The following NELL1 variants were observed in gnomAD, a reference collection of about 807,000 sequenced individuals.
The protein encoded by NELL1 is protein kinase C-binding protein NELL1.
Under a neutral mutation model 107.4 loss-of-function variants are expected in NELL1, and 76 were observed. That is an observed-to-expected ratio of 0.71 (90% confidence interval 0.59 to 0.86). The LOEUF is 0.86. Ranked by LOEUF, NELL1 falls within the 40% of genes least tolerant of loss-of-function variation. NELL1 has a pLI of 0.00. For missense variants in NELL1, 1,024 were observed against 1,005.5 expected, an observed-to-expected ratio of 1.02 and a Z score of -0.25; for synonymous variants, 353 against 341.2, an observed-to-expected ratio of 1.03 and a Z score of -0.38.
intron 6 of NELL1, among the ~76,000 whole-genome samples, chr11:20,918,761 A>G (rs529121797): frequency 6.6e-6 from 1 of 152,180 alleles, no homozygotes; most frequent in East Asian, 1.9e-4. Context: ...TATGGGAGCT[A>G]CAATTCAAGA....
At chr11:21,284,658 G>A (rs977547782) in intron 14 of NELL1, 55 of 388,666 alleles carry the variant, frequency 1.4e-4, no homozygotes, top group African/African-American at 9.5e-4. Context: ...GATTGGTGGG[G>A]CAGGCCTTGT....
At chr11:20,725,080 C>A (rs1787401428) in intron 2 of NELL1, among the ~76,000 whole-genome samples, 1 of 152,182 alleles carries the variant, frequency 6.6e-6, no homozygotes, top group African/African-American at 2.4e-5. Context: ...CCTCCCTCAA[C>A]ATGTGGGGAT....
intron 13 of NELL1, among the ~76,000 whole-genome samples, chr11:21,205,767 T>A (rs1857376964): frequency 6.6e-6 from 1 of 152,198 alleles, no homozygotes. Flanking sequence ...GTCTCTGTGC[T>A]TTAAATATGG....
intron 1 of NELL1, among the ~76,000 whole-genome samples, chr11:20,671,811 T>A (rs1018162763): frequency 1.3e-5 from 2 of 152,092 alleles, no homozygotes; most frequent in African/African-American, 4.8e-5. Context: ...AAGTTTGTAT[T>A]AAGGAAATGT....
At chr11:21,061,908 G>A (rs570060558) in intron 12 of NELL1, among the ~76,000 whole-genome samples, 1 of 152,244 alleles carries the variant, frequency 6.6e-6, no homozygotes, top group African/African-American at 2.4e-5. Context: ...TCAATTAGCT[G>A]AACTCTCATT....
At chr11:21,343,872 T>C (rs1207820655) in intron 14 of NELL1, among the ~76,000 whole-genome samples, 1 of 152,152 alleles carries the variant, frequency 6.6e-6, no homozygotes, top group Non-Finnish European at 1.5e-5. Flanking sequence ...GTGTCTGTGT[T>C]AAAGGAGGGG....
intron 12 of NELL1, among the ~76,000 whole-genome samples, chr11:21,022,636 C>G (rs1177847921): frequency 6.6e-6 from 1 of 152,112 alleles, no homozygotes; most frequent in African/African-American, 2.4e-5. Flanking sequence ...TCATCTTTCT[C>G]AGTATCCAGA....
At chr11:20,900,695 C>G (rs1042198541) in intron 5 of NELL1, among the ~76,000 whole-genome samples, 4 of 152,050 alleles carry the variant, frequency 2.6e-5, no homozygotes, top group African/African-American at 7.2e-5. Context: ...TACTTTTGAA[C>G]AGATTAGATT....
intron 15 of NELL1, among the ~76,000 whole-genome samples, chr11:21,402,121 C>T (rs1358303088): frequency 6.6e-6 from 1 of 151,762 alleles, no homozygotes; most frequent in Non-Finnish European, 1.5e-5. Context: ...CCTTCTAGTC[C>T]GTCCTTGCAG....
intron 3 of NELL1, among the ~76,000 whole-genome samples, chr11:20,808,204 G>C (rs759920034): frequency 2.6e-5 from 4 of 152,106 alleles, no homozygotes; most frequent in African/African-American, 4.8e-5. Context: ...TCCAGGGTCC[G>C]TGGGCTCTTT....
Position 21,177,459 on chromosome 11 carries a change from G to A in NELL1, c.1427-51873G>A, listed in dbSNP as rs773814571. Among the ~76,000 whole-genome samples, 75 of 151,832 alleles carry A rather than the reference G, an allele frequency of 4.9e-4. 1 individual carries two copies. The highest frequency in any genetic ancestry group is 9.2e-4 in the Admixed American group (14 of 15,252). On this transcript the variant is annotated intron_variant, in intron 13 of 19. Transcript: ENST00000357134. ...CAACATTTCTTACTTGTTTAAGGCC[G>A]AAGAGTATTCTATTGTGTATATGTA...
chr11:20,930,611 A>G (rs1590429474), intron 9 of NELL1, among the ~76,000 whole-genome samples: 1 of 152,314 alleles, frequency 6.6e-6, no homozygotes, highest in East Asian at 1.9e-4. Context: ...TCTTCAGGCC[A>G]GAATTACTGG....
chr11:20,895,660 C>A (rs2134123240), intron 5 of NELL1, among the ~76,000 whole-genome samples: 1 of 152,038 alleles, frequency 6.6e-6, no homozygotes, highest in East Asian at 2.0e-4. Context: ...TGTGTGCCAC[C>A]ATGCCCGGCT....
chr11:21,076,970 G>A (rs1369304274), intron 12 of NELL1, among the ~76,000 whole-genome samples: 3 of 152,148 alleles, frequency 2.0e-5, no homozygotes, highest in Middle Eastern at 3.4e-3. Context: ...GCAGAACCAC[G>A]AGCCAAATAA....
chr11:21,289,165 G>C (rs964604322), intron 14 of NELL1, among the ~76,000 whole-genome samples: 6 of 152,190 alleles, frequency 3.9e-5, no homozygotes, highest in Non-Finnish European at 8.8e-5. Context: ...CTATTGATGT[G>C]ACCATTTTTG....
In NELL1 at chr11:21,470,144, G is replaced by C. The variant is rs528856470; in HGVS notation, c.1646-64230G>C. On this transcript the variant is annotated intron_variant, in intron 15 of 19. Coordinates refer to ENST00000357134, the MANE Select transcript of NELL1 (RefSeq NM_006157.5). ...CTTACGAGGTGTAGGTATTCTCAAA[G>C]AATTGAGGTAAAGATATATGCAGAA... 3.9e-5 allele frequency among the ~76,000 whole-genome samples: 6 copies of C among 152,088 alleles called. No homozygotes were observed. The East Asian group carries it at 1.2e-3, about 29-fold the overall frequency.
At chr11:20,783,390 C>G (rs1344100260) in intron 2 of NELL1, among the ~76,000 whole-genome samples, 3 of 152,194 alleles carry the variant, frequency 2.0e-5, no homozygotes, top group Non-Finnish European at 4.4e-5. Context: ...CAATTGGGAA[C>G]TTGTCAAAGT....
At chr11:21,263,141 A>T (rs1484376998) in intron 14 of NELL1, among the ~76,000 whole-genome samples, 1 of 151,760 alleles carries the variant, frequency 6.6e-6, no homozygotes, top group Non-Finnish European at 1.5e-5. Flanking sequence ...TAATCAAGGG[A>T]TAGTGATAAT....
intron 14 of NELL1, among the ~76,000 whole-genome samples, chr11:21,354,341 C>G (rs1417175799): frequency 5.3e-5 from 8 of 152,072 alleles, no homozygotes; most frequent in Non-Finnish European, 8.8e-5. Context: ...TATTATTCCT[C>G]TTTTCCTCCC....
Sources: gnomAD v4.1 joint callset for allele counts (sites outside exome capture counted in the v4.1 genomes callset) on GRCh38, gnomAD v4.1.1 for gene constraint, MANE v1.5 for transcripts, NCBI Gene and HGNC (gene_info 2026-07-23, HGNC 2026-07-21) for gene names.